Variants in TEP1 observed in about 807,000 individuals in gnomAD.
TEP1 encodes telomerase associated protein 1.
TEP1 carries 241 observed loss-of-function variants against 306.3 expected under a neutral mutation model. The ratio of observed to expected loss-of-function variants is 0.79; its 90% CI spans 0.71 to 0.88. The LOEUF (loss-of-function observed/expected upper bound fraction) is 0.88, where lower values mean the gene tolerates loss of function less well. Ranked by LOEUF, TEP1 falls within the 40% of genes least tolerant of loss-of-function variation. The pLI is 0.00. For synonymous variants in TEP1, 1,289 were observed against 1,305.5 expected (o/e 0.99, Z 0.27); for missense variants, 3,051 against 3,276.1 (o/e 0.93, Z 1.68).
chr14:20,369,870 GA>G lies in TEP1; in HGVS notation c.7318-92del. The G allele has an allele frequency of 4.2e-6, 4 of 955,010 alleles. No homozygotes were observed. The South Asian group carries it at 4.9e-5, about 12-fold the overall frequency. 59.2% of individuals were successfully genotyped at this position (955,010 alleles called of 1,614,324 possible). On this transcript the variant is annotated intron_variant, in intron 51 of 54. Coordinates refer to ENST00000262715, the MANE Select transcript of TEP1 (RefSeq NM_007110.5). ...CAGTTTTCTGCTCTGGGCTGGTCAGGAATTTTTTTTTTTTTTAACTACAACT... is the reference window on the plus strand; with the variant it reads ...CAGTTTTCTGCTCTGGGCTGGTCAGGATTTTTTTTTTTTTTAACTACAACT...
Position 20,369,728 on chromosome 14 carries a change from A to C in TEP1, c.7369T>G (p.Leu2457Val). Residue 2457 changes from leucine to valine, a missense_variant, in exon 52 of 55, where the codon TTA (leucine) becomes GTA (valine). By Grantham distance (32) the Leu-to-Val change is conservative. Coordinates refer to ENST00000262715, the MANE Select transcript of TEP1 (RefSeq NM_007110.5). ...FEERLNFDIN[L>V]ENPSRTLISI... ...ATTAGGGTCCTACTAGGATTCTCTA[A>C]GTTTATATCAAAGTTCAGCCTCTCT... 1.9e-6 allele frequency: 3 copies of C among 1,614,146 alleles called. No individual in the cohort carries two copies. Among genetic ancestry groups the C allele is most frequent in the Non-Finnish European group, 2.5e-6 (3 of 1,180,034 alleles).
At chr14:20,386,261 A>C in intron 19 of TEP1, 66 bp from the exon 20 acceptor site, 1 of 1,607,608 alleles carries the variant, frequency 6.2e-7, no homozygotes, top group Non-Finnish European at 8.5e-7. Context: ...ACATAGGCAC[A>C]AACAGGGAGA....
chr14:20,399,290 C>T (rs1199552631), intron 9 of TEP1, among the ~76,000 whole-genome samples: 1 of 152,022 alleles, frequency 6.6e-6, no homozygotes, highest in Non-Finnish European at 1.5e-5. Flanking sequence ...AAGTTTTTTC[C>T]ACTGTTACTA....
At chr14:20,375,711 A>T in intron 43 of TEP1, 44 bp downstream of exon 43, 1 of 1,371,862 alleles carries the variant, frequency 7.3e-7, no homozygotes, top group Non-Finnish European at 1.0e-6. Flanking sequence ...GTCTTGCCCC[A>T]GGAACCCAGC....
At chr14:20,400,700 T>C in intron 9 of TEP1, 1 of 349,922 alleles carries the variant, frequency 2.9e-6, no homozygotes, top group South Asian at 4.0e-5. Flanking sequence ...TACAGAGATA[T>C]CGATATGAGT....
chr14:20,409,831 T>C lies in TEP1; in HGVS notation c.-24-1368A>G, dbSNP rs192376101. Among the ~76,000 whole-genome samples, 305 of 151,912 alleles carry C rather than the reference T, an allele frequency of 2.0e-3. 1 individual carries two copies. Among genetic ancestry groups the C allele is most frequent in the South Asian group, 3.5e-3 (17 of 4,810 alleles). ...GTCAGGAGATCGAGACCATCCTGGCTAACACAGTGAAACCCCATCTCTACT... is the reference window on the plus strand; with the variant it reads ...GTCAGGAGATCGAGACCATCCTGGCCAACACAGTGAAACCCCATCTCTACT... On this transcript the variant is annotated intron_variant, in intron 1 of 54. Coordinates refer to ENST00000262715, the MANE Select transcript of TEP1 (RefSeq NM_007110.5).
In TEP1 at chr14:20,405,585, T is replaced by C. The variant is rs144161373; in HGVS notation, c.736A>G (p.Met246Val). The change falls in exon 4 of 55, where the codon ATG becomes GTG. Residue 246 changes from methionine to valine, a missense_variant and splice_region_variant. Coordinates refer to ENST00000262715, the MANE Select transcript of TEP1 (RefSeq NM_007110.5). ...PTDHVLQEKK[M>V]ALLSLLCSTL... is the part of the protein sequence containing the mutation. ...GAGCACAGCAAGCTCAGTAGAGCCA[T>C]CTGGGAATTGAGAAAGAGGGAAGAA... is the stretch of plus-strand genomic sequence containing the variant. 3.7e-6 allele frequency: 6 copies of C among 1,613,104 alleles called. No individual in the cohort carries two copies. The African/African-American group carries it at 4.0e-5, about 11-fold the overall frequency.
intron 9 of TEP1, among the ~76,000 whole-genome samples, chr14:20,399,917 T>C (rs112016824): frequency 0.036 from 5,454 of 151,760 alleles, 126 homozygotes; most frequent in South Asian, 0.077. Context: ...ATCCCAGCAC[T>C]TTGGGAGGCC....
Position 20,377,728 on chromosome 14 carries a change from C to T in TEP1, c.5747G>A (p.Gly1916Asp). Residue 1916 changes from glycine to aspartate, a missense_variant, in exon 40 of 55, where the codon GGT (glycine) becomes GAT (aspartate). Transcript: ENST00000262715. Reference sequence around the variant, plus strand: ...GGAACCCAGGTGCCCACGGGGCCGACCCAGAGACCCTGACCACACCTGAAC... The same window carrying T: ...GGAACCCAGGTGCCCACGGGGCCGATCCAGAGACCCTGACCACACCTGAAC... The part of the protein sequence containing the change: ...GKVQVWSGSL[G>D]RPRGHLGSLS... The T allele has an allele frequency of 6.2e-7, 1 of 1,613,918 alleles. No individual in the cohort carries two copies.
chr14:20,396,873 C>CTGT, intron 9 of TEP1, 143 bp from the exon 10 acceptor site: 1 of 471,302 alleles, frequency 2.1e-6, no homozygotes, highest in Non-Finnish European at 3.8e-6. Flanking sequence ...CCAGCCTGGG[C>CTGT]AACATAGCAA....
chr14:20,389,171 GTAGAGA>G, intron 17 of TEP1, 61 bp downstream of exon 17: 1 of 1,389,370 alleles, frequency 7.2e-7, no homozygotes, highest in African/African-American at 1.4e-5. Context: ...AGTGACTGGA[GTAGAGA>G]TAATCTCCTA....
At chr14:20,384,936 G>A (rs1427088138) in intron 21 of TEP1, 49 bp downstream of exon 21, 8 of 1,613,190 alleles carry the variant, frequency 5.0e-6, no homozygotes, top group Non-Finnish European at 6.8e-6. Context: ...AGACTGGCCT[G>A]TCTGGCCTTT....
At position 20,381,691 on chromosome 14, in the gene TEP1, C is replaced by T. The variant is rs1375366251; in HGVS notation, c.4425-5G>A. On this transcript the variant is annotated splice_region_variant and splice_polypyrimidine_tract_variant and intron_variant, in intron 30 of 54. Coordinates refer to ENST00000262715, the MANE Select transcript of TEP1 (RefSeq NM_007110.5). This position sits in a 1 kb window ranked among gnomAD's most constrained non-coding sequence, Gnocchi z 4.0. ...AGAGGGCCCTCCCCTAGCAAACTGTCCTCGTGTGAGGAAGGGAGAGAGAAG... is the reference window on the plus strand; with the variant it reads ...AGAGGGCCCTCCCCTAGCAAACTGTTCTCGTGTGAGGAAGGGAGAGAGAAG... The T allele has an allele frequency of 6.3e-7, 1 of 1,594,664 alleles. No homozygotes were observed. Among genetic ancestry groups the T allele is most frequent in the African/African-American group, 1.4e-5 (1 of 73,814 alleles).
intron 17 of TEP1, among the ~76,000 whole-genome samples, chr14:20,388,943 T>G (rs543946733): frequency 1.3e-5 from 2 of 151,346 alleles, no homozygotes; most frequent in East Asian, 3.9e-4. Context: ...AGGTCAGGAG[T>G]TCAAGACCAG....
At chr14:20,402,245 T>C (rs1878816779) in intron 7 of TEP1, among the ~76,000 whole-genome samples, 2 of 152,116 alleles carry the variant, frequency 1.3e-5, no homozygotes. Context: ...GAGGTGGGGA[T>C]TGCAGTAAGC....
chr14:20,404,361 A>G (rs913746038), intron 5 of TEP1, among the ~76,000 whole-genome samples: 1 of 151,844 alleles, frequency 6.6e-6, no homozygotes, highest in Non-Finnish European at 1.5e-5. Context: ...GTCTCCAAAA[A>G]AAAAAAAAAA....
intron 5 of TEP1, 114 bp from the exon 6 acceptor site, chr14:20,403,998 A>G: frequency 1.4e-6 from 2 of 1,380,240 alleles, no homozygotes; most frequent in Non-Finnish European, 2.0e-6. Flanking sequence ...GCAAGTTCCC[A>G]GCCCTAGCTC....
In TEP1 at chr14:20,390,665, A is replaced by G; in HGVS notation, c.2334+16T>C. The G allele has an allele frequency of 6.2e-7, 1 of 1,612,666 alleles. No homozygotes were observed. Among genetic ancestry groups the G allele is most frequent in the Non-Finnish European group, 8.5e-7 (1 of 1,178,664 alleles). On this transcript the variant is annotated intron_variant, in intron 15 of 54. Transcript: ENST00000262715. ...ATGTGGGGGAGGGAGAGGGTTTCTCAGGGATTAATACTCACAGGAACCCTT... is the reference window on the plus strand; with the variant it reads ...ATGTGGGGGAGGGAGAGGGTTTCTCGGGGATTAATACTCACAGGAACCCTT...
chr14:20,378,268 G>T (rs1354504518), intron 38 of TEP1, 32 bp from the exon 39 acceptor site: 1 of 1,613,130 alleles, frequency 6.2e-7, no homozygotes, highest in Non-Finnish European at 8.5e-7. Context: ...GAAACGTGAA[G>T]ACCTGCTCTC....
Sources: gnomAD v4.1 joint callset for allele counts (sites outside exome capture counted in the v4.1 genomes callset) on GRCh38, gnomAD v4.1.1 for gene constraint, Gnocchi (gnomAD v3.1) non-coding constraint, MANE v1.5 for transcripts, NCBI Gene and HGNC (gene_info 2026-07-23, HGNC 2026-07-21) for gene names.